PDS5B: variants seen among roughly 807,000 people sequenced by gnomAD.
The protein encoded by PDS5B is sister chromatid cohesion protein PDS5 homolog B.
In PDS5B, 51 loss-of-function variants were observed where a neutral mutation model predicts 184.1. The ratio of observed to expected loss-of-function variants is 0.28; its 90% CI spans 0.22 to 0.35. PDS5B has a LOEUF of 0.35. Among genes scored for constraint, PDS5B ranks in the 10% least tolerant of loss-of-function variants. The pLI, the probability that PDS5B is intolerant of heterozygous loss-of-function variation, is 1.00. For missense variants in PDS5B, 1,180 were observed against 1,723.3 expected (o/e 0.68, Z 5.58); for synonymous variants, 566 against 569.2 (o/e 0.99, Z 0.08).
rs5802658 is a variant in PDS5B, at chr13:32,747,586, C to CAA, written c.2736+1504_2736+1505dup. On this transcript the variant is annotated intron_variant, in intron 24 of 34. Coordinates refer to ENST00000315596, the MANE Select transcript of PDS5B (RefSeq NM_015032.4). Reference sequence around the variant, plus strand: ...TGGGCAACAGAGCGAGACTCCATCTCAAAAAAAAAAAAAAAAAAATTTGGG... The same window carrying CAA: ...TGGGCAACAGAGCGAGACTCCATCTCAAAAAAAAAAAAAAAAAAAAATTTGGG... 4.9e-3 allele frequency among the ~76,000 whole-genome samples: 522 copies of CAA among 106,478 alleles called. 5 individuals are homozygous for CAA. Among genetic ancestry groups the CAA allele is most frequent in the Non-Finnish European group, 7.2e-3 (396 of 54,828 alleles). The allele number at this position is 106,478 out of a possible 152,430, so 69.9% of individuals were successfully genotyped here.
intron 19 of PDS5B, among the ~76,000 whole-genome samples, chr13:32,728,441 A>G (rs1254846670): frequency 7.6e-6 from 1 of 132,154 alleles, no homozygotes; most frequent in East Asian, 2.5e-4. Context: ...TCCTGGTCTC[A>G]GGTAGTTTTT....
intron 1 of PDS5B, among the ~76,000 whole-genome samples, chr13:32,621,770 T>C (rs2058305441): frequency 6.6e-6 from 1 of 152,196 alleles, no homozygotes; most frequent in South Asian, 2.1e-4. Flanking sequence ...TGCCTCTTTT[T>C]CTAAATAAAA....
At chr13:32,595,584 G>A (rs954621330) in intron 1 of PDS5B, among the ~76,000 whole-genome samples, 1 of 152,200 alleles carries the variant, frequency 6.6e-6, no homozygotes, top group African/African-American at 2.4e-5. Flanking sequence ...GTGAGAAGGA[G>A]AAAGAACCAC....
intron 17 of PDS5B, among the ~76,000 whole-genome samples, chr13:32,705,681 GTTTA>G (rs888874103): frequency 6.6e-6 from 1 of 152,022 alleles, no homozygotes; most frequent in Non-Finnish European, 1.5e-5. Flanking sequence ...CATTACAAAT[GTTTA>G]TTTATATTTT....
chr13:32,742,830 A>G (rs1953607156), intron 23 of PDS5B, 103 bp downstream of exon 23: 2 of 1,062,644 alleles, frequency 1.9e-6, no homozygotes, highest in African/African-American at 1.6e-5. Context: ...TTTAAATTAG[A>G]ATTGCTTTGT....
At chr13:32,634,429 A>G (rs9595962) in intron 1 of PDS5B, among the ~76,000 whole-genome samples, 1 of 151,960 alleles carries the variant, frequency 6.6e-6, no homozygotes, top group African/African-American at 2.4e-5. Context: ...TCCATTCACC[A>G]GTTAATAGAC....
chr13:32,626,384 C>T (rs905837169), intron 1 of PDS5B, among the ~76,000 whole-genome samples: 1 of 152,174 alleles, frequency 6.6e-6, no homozygotes, highest in South Asian at 2.1e-4. Context: ...AAAGAGGGCT[C>T]ATCTGCTAAA....
At chr13:32,691,641 G>A (rs944573327) in intron 13 of PDS5B, among the ~76,000 whole-genome samples, 1 of 152,028 alleles carries the variant, frequency 6.6e-6, no homozygotes, top group Non-Finnish European at 1.5e-5. Flanking sequence ...TCATTTGTCC[G>A]GAGTGTAGTC....
At chr13:32,645,843 G>T (rs561395870) in intron 1 of PDS5B, among the ~76,000 whole-genome samples, 1 of 151,948 alleles carries the variant, frequency 6.6e-6, no homozygotes, top group South Asian at 2.1e-4. Context: ...CCCTTTTTCC[G>T]TTAACATTTG....
chr13:32,758,137 G>C lies in PDS5B; in HGVS notation c.3107G>C (p.Ser1036Thr), dbSNP rs1441692805. The C allele has an allele frequency of 1.3e-6, 2 of 1,533,182 alleles. No homozygotes were observed. The highest frequency in any genetic ancestry group is 1.8e-6 in the Non-Finnish European group (2 of 1,124,296). 95.0% of individuals were successfully genotyped at this position (1,533,182 alleles called of 1,614,324 possible). ...EILMAKNENN[S>T]HAFIRKMVEN... Reference sequence around the variant, plus strand: ...TTAATGGCTAAAAATGAAAATAACAGTCACGCTTTTATCAGAAAGATGGTA... The same window carrying C: ...TTAATGGCTAAAAATGAAAATAACACTCACGCTTTTATCAGAAAGATGGTA... Residue 1036 changes from serine to threonine, a missense_variant, in exon 27 of 35, where the codon AGT becomes ACT. This residue lies in a region of PDS5B where 465 missense variants were observed against 497.8 expected (regional missense o/e 0.93). Coordinates refer to ENST00000315596, the MANE Select transcript of PDS5B (RefSeq NM_015032.4).
At chr13:32,686,376 A>T (rs571059861) in intron 11 of PDS5B, among the ~76,000 whole-genome samples, 1 of 152,356 alleles carries the variant, frequency 6.6e-6, no homozygotes, top group South Asian at 2.1e-4. Context: ...CCTTTAATAC[A>T]TCTTAATTAC....
At chr13:32,624,897 C>A (rs1166502349) in intron 1 of PDS5B, among the ~76,000 whole-genome samples, 1 of 152,052 alleles carries the variant, frequency 6.6e-6, no homozygotes, top group Non-Finnish European at 1.5e-5. Context: ...TTTCAATTTA[C>A]CCTTTTTTTG....
At chr13:32,690,020 A>G (rs1311517353) in intron 13 of PDS5B, 5 of 151,700 alleles carry the variant, frequency 3.3e-5, no homozygotes, top group African/African-American at 9.7e-5. Flanking sequence ...AAAAATTACT[A>G]AAGAATAACC....
chr13:32,664,611 C>T (rs1297604109), intron 6 of PDS5B, among the ~76,000 whole-genome samples: 1 of 152,130 alleles, frequency 6.6e-6, no homozygotes, highest in African/African-American at 2.4e-5. Flanking sequence ...CTCTCATTAT[C>T]CCAGCACTTT....
chr13:32,729,733 T>A (rs917235760), intron 19 of PDS5B, among the ~76,000 whole-genome samples: 2 of 152,212 alleles, frequency 1.3e-5, no homozygotes, highest in African/African-American at 4.8e-5. Flanking sequence ...TTGTTGGCCA[T>A]ATAAATGTCT....
At chr13:32,694,113 A>G (rs1340880164) in intron 13 of PDS5B, 110 bp from the exon 14 acceptor site, 1 of 706,234 alleles carries the variant, frequency 1.4e-6, no homozygotes, top group African/African-American at 1.9e-5. Flanking sequence ...ATTTCATCTC[A>G]TCTCTGTCAT....
chr13:32,741,160 G>T lies in PDS5B; in HGVS notation c.2475+12G>T. 1 of 1,361,812 alleles carries T rather than the reference G, an allele frequency of 7.3e-7. No individual in the cohort carries two copies. Among genetic ancestry groups the T allele is most frequent in the Non-Finnish European group, 1.0e-6 (1 of 967,120 alleles). The allele number at this position is 1,361,812 out of a possible 1,614,324, so 84.4% of individuals were successfully genotyped here. Reference sequence around the variant, plus strand: ...AGACAATGGTCAAAGTGAGTAATGTGCATAGATCTATTGATTTTAATATAA... The same window carrying T: ...AGACAATGGTCAAAGTGAGTAATGTTCATAGATCTATTGATTTTAATATAA... On this transcript the variant is annotated intron_variant, in intron 22 of 34. Transcript: ENST00000315596.
intron 1 of PDS5B, among the ~76,000 whole-genome samples, chr13:32,647,698 A>C (rs1330960410): frequency 6.6e-6 from 1 of 151,928 alleles, no homozygotes; most frequent in East Asian, 1.9e-4. Flanking sequence ...TAGTCTTTAT[A>C]ATTTTTTTTG....
chr13:32,757,268 CACTT>C (rs1954215828), intron 26 of PDS5B, among the ~76,000 whole-genome samples: 1 of 152,176 alleles, frequency 6.6e-6, no homozygotes. Context: ...ATTTACTAGA[CACTT>C]ACGGTTATAT....
Sources: gnomAD v4.1 joint callset for allele counts (sites outside exome capture counted in the v4.1 genomes callset) on GRCh38, gnomAD v4.1.1 for gene constraint, gnomAD v4.1.1 regional missense constraint, MANE v1.5 for transcripts, NCBI Gene and HGNC (gene_info 2026-07-23, HGNC 2026-07-21) for gene names.